HMGA2: variants seen among roughly 807,000 people sequenced by gnomAD.
HMGA2 encodes the protein high mobility group AT-hook 2.
Under a neutral mutation model 19.1 loss-of-function variants are expected in HMGA2, and 8 were observed. That is an observed-to-expected ratio of 0.42 (90% CI 0.25 to 0.76). The LOEUF (loss-of-function observed/expected upper bound fraction) is 0.76. Ranked by LOEUF, HMGA2 falls within the 30% of genes least tolerant of loss-of-function variation. The pLI, the probability that HMGA2 is intolerant of heterozygous loss-of-function variation, is 0.28. For synonymous variants in HMGA2, 60 were observed against 48.8 expected, an observed-to-expected ratio of 1.23 and a Z score of -0.96; for missense variants, 109 against 136.3, an observed-to-expected ratio of 0.80 and a Z score of 1.00.
chr12:65,920,455 T>A (rs1281491775), intron 3 of HMGA2, among the ~76,000 whole-genome samples: 2 of 152,160 alleles, frequency 1.3e-5, no homozygotes, highest in Non-Finnish European at 2.9e-5. Context: ...TAGGTGCAAT[T>A]CTCCTATTAC....
chr12:65,963,257 G>A lies in HMGA2; in HGVS notation c.295G>A (p.Glu99Lys), dbSNP rs1363332064. The change falls in exon 5 of 5, where the codon GAG (glutamate) becomes AAG (lysine). Residue 99 changes from glutamate (E) to lysine (K), a missense_variant. Glu to Lys is a moderately conservative substitution (Grantham distance 56). Coordinates refer to ENST00000403681, the MANE Select transcript of HMGA2 (RefSeq NM_003483.6). ...QKKPAQEETE[E>K]TSSQESAEED ...TTGTGTGTTCCAGGAGGAAACTGAA[G>A]AGACATCCTCACAAGAGTCTGCCGA... 6.2e-7 allele frequency: 1 copy of A among 1,613,744 alleles called. No homozygotes were observed.
At chr12:65,927,074 C>T (rs77220329) in intron 3 of HMGA2, among the ~76,000 whole-genome samples, 294 of 152,238 alleles carry the variant, frequency 1.9e-3, no homozygotes, top group African/African-American at 6.9e-3. Flanking sequence ...GTTTCATGGC[C>T]TTCTTTCAAC....
At chr12:65,946,600 G>C (rs1028656472) in intron 3 of HMGA2, among the ~76,000 whole-genome samples, 24 of 152,156 alleles carry the variant, frequency 1.6e-4, no homozygotes, top group African/African-American at 5.8e-4. Flanking sequence ...TCCTTTGTTA[G>C]CAAGGATTTT....
intron 3 of HMGA2, chr12:65,873,824 C>A (rs1363280033): frequency 2.6e-5 from 4 of 152,156 alleles, no homozygotes; most frequent in Non-Finnish European, 5.9e-5. Flanking sequence ...ACAATAATGG[C>A]AGAATCATTT....
At chr12:65,888,503 T>G (rs1178098717) in intron 3 of HMGA2, among the ~76,000 whole-genome samples, 2 of 149,300 alleles carry the variant, frequency 1.3e-5, no homozygotes, top group Non-Finnish European at 3.0e-5. Flanking sequence ...AAAACTACCT[T>G]TGACTCATAG....
intron 2 of HMGA2, among the ~76,000 whole-genome samples, chr12:65,837,111 G>A (rs545277351): frequency 1.6e-4 from 24 of 152,254 alleles, no homozygotes; most frequent in African/African-American, 5.5e-4. Flanking sequence ...CACTTTATAA[G>A]GCTGCTGTAA....
At chr12:65,935,310 T>C (rs571021280) in intron 3 of HMGA2, among the ~76,000 whole-genome samples, 3 of 152,358 alleles carry the variant, frequency 2.0e-5, no homozygotes, top group African/African-American at 7.2e-5. Flanking sequence ...AGTGAACTTA[T>C]AGTTGAATGT....
At chr12:65,893,076 C>T (rs1467229216) in intron 3 of HMGA2, among the ~76,000 whole-genome samples, 1 of 152,150 alleles carries the variant, frequency 6.6e-6, no homozygotes, top group East Asian at 1.9e-4. Flanking sequence ...CTACACTGCA[C>T]CCCGGTCACA....
chr12:65,931,097 G>T (rs1434848055), intron 3 of HMGA2, among the ~76,000 whole-genome samples: 1 of 151,978 alleles, frequency 6.6e-6, no homozygotes, highest in Non-Finnish European at 1.5e-5. Context: ...GAAGGTAAAA[G>T]ACATCTGTAT....
At chr12:65,891,977 C>G (rs1873930622) in intron 3 of HMGA2, among the ~76,000 whole-genome samples, 1 of 152,228 alleles carries the variant, frequency 6.6e-6, no homozygotes, top group Non-Finnish European at 1.5e-5. Flanking sequence ...ACTTTTGTCC[C>G]TTCCTGCTCA....
intron 2 of HMGA2, chr12:65,830,868 A>G (rs541827990): frequency 4.6e-5 from 7 of 152,048 alleles, no homozygotes; most frequent in Admixed American, 2.6e-4. Context: ...TATGCTTGGA[A>G]CTTTTGGAAG....
chr12:65,858,591 T>G (rs1241569977), intron 3 of HMGA2: 2 of 152,350 alleles, frequency 1.3e-5, no homozygotes, highest in East Asian at 3.9e-4. Context: ...TCTCTGTTTT[T>G]GTTTAATGGG....
intron 4 of HMGA2, chr12:65,952,903 G>T (rs1389166273): frequency 6.3e-6 from 1 of 158,122 alleles, no homozygotes; most frequent in South Asian, 1.9e-4. Context: ...CTGCATCTGA[G>T]AAATGTATTT....
intron 3 of HMGA2, among the ~76,000 whole-genome samples, chr12:65,853,149 G>C (rs1871560670): frequency 6.6e-6 from 1 of 152,138 alleles, no homozygotes; most frequent in Admixed American, 6.5e-5. Context: ...AGACCAGTTG[G>C]AAAATTGATT....
At chr12:65,961,243 G>C (rs1283932828) in intron 4 of HMGA2, among the ~76,000 whole-genome samples, 2 of 152,314 alleles carry the variant, frequency 1.3e-5, no homozygotes, top group East Asian at 3.9e-4. Flanking sequence ...GGGGACAAAC[G>C]AGGTGTGTAT....
At chr12:65,859,459 C>A (rs1422069378) in intron 3 of HMGA2, 2 of 152,174 alleles carry the variant, frequency 1.3e-5, no homozygotes, top group Non-Finnish European at 2.9e-5. Flanking sequence ...TTAAATAATA[C>A]CATTTTTCTT....
At chr12:65,951,181 T>G (rs531089650) in intron 3 of HMGA2, among the ~76,000 whole-genome samples, 2 of 152,264 alleles carry the variant, frequency 1.3e-5, no homozygotes, top group African/African-American at 4.8e-5. Context: ...CGTCCGCCTC[T>G]GCCTCCCAAA....
At chr12:65,914,497 G>A (rs1242390090) in intron 3 of HMGA2, among the ~76,000 whole-genome samples, 120 of 111,374 alleles carry the variant, frequency 1.1e-3, no homozygotes, top group Middle Eastern at 5.7e-3. Context: ...CTGTTGTGGG[G>A]TGGGGGGAGG....
chr12:65,854,223 ACAT>A (rs1871615753), intron 3 of HMGA2, among the ~76,000 whole-genome samples: 1 of 152,238 alleles, frequency 6.6e-6, no homozygotes, highest in African/African-American at 2.4e-5. Flanking sequence ...GATAAGAGAA[ACAT>A]CAATATAGAA....
Sources: allele counts gnomAD v4.1 joint callset (sites outside exome capture counted in the v4.1 genomes callset), GRCh38; gene constraint gnomAD v4.1.1; transcripts MANE v1.5; gene names NCBI Gene and HGNC (gene_info 2026-07-23, HGNC 2026-07-21).